NEBL: variants seen among roughly 807,000 people sequenced by gnomAD.
NEBL encodes LIM and SH3 protein 2.
NEBL carries 122 observed loss-of-function variants against 140.2 expected under a neutral mutation model. That is an observed-to-expected ratio of 0.87 (90% confidence interval 0.75 to 1.01). The LOEUF (loss-of-function observed/expected upper bound fraction) is 1.01, where lower values mean the gene tolerates loss of function less well. NEBL is among the 50% of genes least tolerant of loss of function. The pLI is 0.00. For missense variants in NEBL, 1,365 were observed against 1,231.3 expected (o/e 1.11, Z -1.62); for synonymous variants, 436 against 398.9 (o/e 1.09, Z -1.11).
chr10:21,160,771 C>A (rs182891912), intron 2 of NEBL, among the ~76,000 whole-genome samples: 1 of 151,988 alleles, frequency 6.6e-6, no homozygotes, highest in East Asian at 1.9e-4. Context: ...TCCACAAGAG[C>A]CTGTTAAGAC....
intron 4 of NEBL, among the ~76,000 whole-genome samples, chr10:20,917,475 G>A (rs541043727): frequency 6.6e-6 from 1 of 152,142 alleles, no homozygotes; most frequent in Non-Finnish European, 1.5e-5. Flanking sequence ...AGTTGAGACT[G>A]TTCAGGGGAT....
intron 2 of NEBL, among the ~76,000 whole-genome samples, chr10:21,020,952 C>T (rs980453828): frequency 6.6e-6 from 1 of 152,168 alleles, no homozygotes; most frequent in African/African-American, 2.4e-5. Flanking sequence ...GTTTCAGATC[C>T]AATAGCATTT....
rs187355791 is a variant in NEBL, at chr10:21,000,405, C to A, written c.249+19712G>T. 2.6e-4 allele frequency among the ~76,000 whole-genome samples: 39 copies of A among 152,154 alleles called. No homozygotes were observed. The East Asian group carries it at 7.2e-3, about 28-fold the overall frequency. ...ATGGTAGGGGGGATTCTGGTCCCCC[C>A]ATTAGTCCCCTGTCAAAAGTGACTT... On this transcript the variant is annotated intron_variant, in intron 3 of 6. Coordinates refer to the NEBL transcript ENST00000417816.
At chr10:20,899,303 A>G, upstream of NEBL, 1 of 933,884 alleles carries the variant, frequency 1.1e-6, no homozygotes, top group Non-Finnish European at 1.5e-6. Context: ...TGCCTGAGAC[A>G]CACCTTTTGG....
chr10:20,946,862 T>C (rs969272466), intron 4 of NEBL, among the ~76,000 whole-genome samples: 1 of 152,164 alleles, frequency 6.6e-6, no homozygotes, highest in African/African-American at 2.4e-5. Flanking sequence ...GGATAACATT[T>C]ATTTTTTTGC....
intron 7 of NEBL, among the ~76,000 whole-genome samples, chr10:20,866,568 G>A (rs550472821): frequency 1.3e-5 from 2 of 152,138 alleles, no homozygotes; most frequent in Admixed American, 1.3e-4. Flanking sequence ...TTGCCCAGAG[G>A]CTCTGCCATC....
chr10:21,055,690 T>G (rs1564494842), intron 2 of NEBL, among the ~76,000 whole-genome samples: 1 of 152,302 alleles, frequency 6.6e-6, no homozygotes, highest in East Asian at 1.9e-4. Context: ...GTTGAACATG[T>G]CTGGCACAAA....
intron 3 of NEBL, among the ~76,000 whole-genome samples, chr10:21,243,770 C>T (rs1298571615): frequency 6.6e-6 from 1 of 152,180 alleles, no homozygotes; most frequent in Non-Finnish European, 1.5e-5. Context: ...TCCCCACACA[C>T]AGCGGCAATG....
intron 2 of NEBL, among the ~76,000 whole-genome samples, chr10:21,120,374 C>CAAAAAAAAAAAAAAAAA (rs1157067083): frequency 1.0e-4 from 5 of 48,400 alleles, no homozygotes; most frequent in African/African-American, 3.7e-4. Flanking sequence ...GACTGTGTCT[C>CAAAAAAAAAAAAAAAAA]AAAAAAAAAA....
intron 2 of NEBL, among the ~76,000 whole-genome samples, chr10:21,101,004 A>G (rs988442960): frequency 2.6e-5 from 4 of 151,958 alleles, no homozygotes; most frequent in Admixed American, 6.6e-5. Flanking sequence ...CTTTTTTTGG[A>G]AGGAAATACT....
chr10:20,892,057 C>A lies in NEBL; in HGVS notation c.154-2108G>T, dbSNP rs140787973. On this transcript the variant is annotated intron_variant, in intron 2 of 27. Transcript: ENST00000377122. ...TTATTACAGCCATGTCTACATCTTACAATTTCGGGTTGACACCATCTATTG... is the reference window on the plus strand; with the variant it reads ...TTATTACAGCCATGTCTACATCTTAAAATTTCGGGTTGACACCATCTATTG... 7.9e-4 allele frequency among the ~76,000 whole-genome samples: 120 copies of A among 152,282 alleles called. 1 individual carries two copies. In the East Asian group the frequency reaches 0.023, roughly 29 times the overall value.
Position 20,779,993 on chromosome 10 carries a change from T to C in NEBL, c.*5754A>G, listed in dbSNP as rs1834923414. The C allele has an allele frequency of 6.6e-6, 1 of 152,218 alleles. No individual in the cohort carries two copies. Among genetic ancestry groups the C allele is most frequent in the Non-Finnish European group, 1.5e-5 (1 of 68,044 alleles). 9.4% of individuals were successfully genotyped at this position (152,218 alleles called of 1,614,324 possible). A position where few individuals can be genotyped will look rare whatever the true frequency, so the allele number is the denominator to read the frequency against. On this transcript the variant is annotated 3_prime_UTR_variant, in exon 28 of 28. Transcript: ENST00000377122. Reference sequence around the variant, plus strand: ...CAATATTTGGAAGAAGTGTTTATTCTACGAGCAGATGTCATCCGCAAAGTT... The same window carrying C: ...CAATATTTGGAAGAAGTGTTTATTCCACGAGCAGATGTCATCCGCAAAGTT...
At chr10:20,802,138 A>G (rs796486499) in intron 26 of NEBL, among the ~76,000 whole-genome samples, 3 of 152,338 alleles carry the variant, frequency 2.0e-5, no homozygotes, top group African/African-American at 7.2e-5. Context: ...TGAGATTGCA[A>G]GCACATACGA....
At position 20,840,739 on chromosome 10, in the gene NEBL, C is replaced by T; in HGVS notation, c.1338G>A (p.Glu446=). 1.9e-6 allele frequency: 3 copies of T among 1,594,442 alleles called. No individual in the cohort carries two copies. The highest frequency in any genetic ancestry group is 2.6e-6 in the Non-Finnish European group (3 of 1,162,748). ...RAKRASEMAS[E]KEYKKDLESI... ...TAAGGTGTTAAATAAACATACTCAC[C>T]TCACTTGCCATTTCAGAGGCTCGCT... Residue 446 remains glutamate, a splice_region_variant and synonymous_variant, in exon 13 of 28, where the codon GAG becomes GAA. Transcript: ENST00000377122.
chr10:20,939,789 T>C (rs1414640668), intron 4 of NEBL, among the ~76,000 whole-genome samples: 1 of 152,098 alleles, frequency 6.6e-6, no homozygotes, highest in African/African-American at 2.4e-5. Context: ...GCAATCCTAG[T>C]CTCTGATAAA....
chr10:21,258,218 T>G (rs1339468116), intron 1 of NEBL, among the ~76,000 whole-genome samples: 1 of 151,486 alleles, frequency 6.6e-6, no homozygotes, highest in Non-Finnish European at 1.5e-5. Context: ...AGCCCAGATG[T>G]TCACAACTGC....
At chr10:20,830,615 C>T (rs1006926375) in intron 16 of NEBL, among the ~76,000 whole-genome samples, 1 of 151,698 alleles carries the variant, frequency 6.6e-6, no homozygotes, top group Admixed American at 6.6e-5. Flanking sequence ...CCACTGTTAG[C>T]TTTATTTGGA....
chr10:21,074,470 T>C (rs1261135970), intron 2 of NEBL, among the ~76,000 whole-genome samples: 1 of 148,148 alleles, frequency 6.8e-6, no homozygotes, highest in Admixed American at 6.7e-5. Context: ...TGAACTTCTT[T>C]CTGAATTTTT....
At chr10:20,967,435 C>T (rs1836368933) in intron 3 of NEBL, among the ~76,000 whole-genome samples, 1 of 152,160 alleles carries the variant, frequency 6.6e-6, no homozygotes, top group African/African-American at 2.4e-5. Context: ...TGAGACCAGC[C>T]TGGCCAACAT....
Sources: gnomAD v4.1 joint callset for allele counts (sites outside exome capture counted in the v4.1 genomes callset) on GRCh38, gnomAD v4.1.1 for gene constraint, MANE v1.5 for transcripts, NCBI Gene and HGNC (gene_info 2026-07-23, HGNC 2026-07-21) for gene names.